The following DOCK3 variants were observed in gnomAD, a reference collection of about 807,000 sequenced individuals.
DOCK3 encodes the protein dedicator of cytokinesis 3, also known as dedicator of cytokinesis protein 3.
In DOCK3, 60 loss-of-function variants were observed where a neutral mutation model predicts 265.6. The observed-to-expected ratio is 0.23, with a 90% CI of 0.18 to 0.28. DOCK3 has a LOEUF of 0.28. Among genes scored for constraint, DOCK3 ranks in the 10% least tolerant of loss-of-function variants. DOCK3 has a pLI of 1.00. For synonymous variants in DOCK3, 881 were observed against 938.0 expected, an observed-to-expected ratio of 0.94 and a Z score of 1.11; for missense variants, 1,981 against 2,594.3, an observed-to-expected ratio of 0.76 and a Z score of 5.14.
At chr3:51,238,917 C>G (rs774619489) in intron 21 of DOCK3, among the ~76,000 whole-genome samples, 11 of 152,128 alleles carry the variant, frequency 7.2e-5, no homozygotes, top group Non-Finnish European at 1.2e-4. Context: ...CTGCAATGAA[C>G]CTATGCAAGC....
chr3:51,185,769 T>A (rs984136543), intron 12 of DOCK3, among the ~76,000 whole-genome samples: 12 of 152,120 alleles, frequency 7.9e-5, no homozygotes, highest in African/African-American at 2.9e-4. Context: ...CTGATGGTTT[T>A]AAAAAAAGGG....
intron 39 of DOCK3, among the ~76,000 whole-genome samples, chr3:51,349,703 C>T (rs140834016): frequency 6.6e-6 from 1 of 152,286 alleles, no homozygotes; most frequent in East Asian, 1.9e-4. Flanking sequence ...CCTTGGAATG[C>T]TAGACATCAT....
chr3:51,297,794 AT>A (rs58008589), intron 27 of DOCK3, among the ~76,000 whole-genome samples: 1 of 148,808 alleles, frequency 6.7e-6, no homozygotes, highest in Non-Finnish European at 1.5e-5. Context: ...AATAATAATA[AT>A]TTTTTTTTAA....
chr3:51,250,468 A>G (rs2079154609), intron 22 of DOCK3, among the ~76,000 whole-genome samples: 1 of 152,000 alleles, frequency 6.6e-6, no homozygotes, highest in Non-Finnish European at 1.5e-5. Flanking sequence ...AAAATACATA[A>G]ATTAACCGGG....
intron 1 of DOCK3, among the ~76,000 whole-genome samples, chr3:50,766,273 T>TAG (rs2040868093): frequency 1.8e-5 from 1 of 54,306 alleles, no homozygotes. Flanking sequence ...CCCTCCCCCC[T>TAG]CCCCCCACCC....
intron 7 of DOCK3, among the ~76,000 whole-genome samples, chr3:51,088,665 G>C (rs2082522447): frequency 6.6e-6 from 1 of 152,154 alleles, no homozygotes; most frequent in African/African-American, 2.4e-5. Context: ...CAATAACTTT[G>C]TAAGGAAGAT....
intron 1 of DOCK3, chr3:50,719,931 G>T: frequency 1.8e-6 from 1 of 540,922 alleles, no homozygotes; most frequent in Non-Finnish European, 3.4e-6. Flanking sequence ...CAGCCCAAGG[G>T]CGTACCGTCC....
intron 3 of DOCK3, among the ~76,000 whole-genome samples, chr3:50,862,032 A>C (rs1204106072): frequency 6.6e-6 from 1 of 152,092 alleles, no homozygotes; most frequent in African/African-American, 2.4e-5. Context: ...TGAGCTTTAT[A>C]CTTACATGCA....
intron 9 of DOCK3, among the ~76,000 whole-genome samples, chr3:51,122,501 C>T (rs1271646246): frequency 1.3e-5 from 2 of 152,168 alleles, no homozygotes; most frequent in African/African-American, 4.8e-5. Flanking sequence ...TTACATGCTT[C>T]AGAAACCCTG....
At chr3:51,169,039 C>G (rs936543953) in intron 12 of DOCK3, among the ~76,000 whole-genome samples, 1 of 151,500 alleles carries the variant, frequency 6.6e-6, no homozygotes. Flanking sequence ...CAATGAGATA[C>G]CATCTCACAC....
intron 12 of DOCK3, among the ~76,000 whole-genome samples, chr3:51,173,782 T>C (rs1003610976): frequency 5.9e-5 from 9 of 152,202 alleles, no homozygotes; most frequent in Admixed American, 3.3e-4. Context: ...GACAAGATCA[T>C]ATTCTTTGGG....
chr3:50,726,193 A>AT lies in DOCK3; in HGVS notation c.37+50900dup, dbSNP rs2037811838. On this transcript the variant is annotated intron_variant, in intron 1 of 52. Coordinates refer to ENST00000266037, the MANE Select transcript of DOCK3 (RefSeq NM_004947.5). Reference sequence around the variant, plus strand: ...CCTGTATATGTTCAGTACAGATGCAATTTTTTTCCTGAATATTTTTGATTC... The same window carrying AT: ...CCTGTATATGTTCAGTACAGATGCAATTTTTTTTCCTGAATATTTTTGATTC... Among the ~76,000 whole-genome samples the AT allele has an allele frequency of 2.6e-5, 4 of 152,152 alleles. No homozygotes were observed. The South Asian group carries it at 6.2e-4, about 24-fold the overall frequency.
intron 1 of DOCK3, among the ~76,000 whole-genome samples, chr3:50,756,133 T>C (rs536934273): frequency 4.6e-5 from 7 of 152,314 alleles, no homozygotes; most frequent in Non-Finnish European, 1.0e-4. Context: ...GCTGTCTGCA[T>C]GTGCAGTGGC....
intron 1 of DOCK3, among the ~76,000 whole-genome samples, chr3:50,773,224 G>T (rs958770667): frequency 1.3e-5 from 2 of 151,872 alleles, no homozygotes; most frequent in Non-Finnish European, 2.9e-5. Context: ...GGGAAAACTG[G>T]ATATTCACAT....
chr3:50,979,000 C>A (rs1452308960), intron 5 of DOCK3, among the ~76,000 whole-genome samples: 2 of 152,162 alleles, frequency 1.3e-5, no homozygotes, highest in African/African-American at 4.8e-5. Flanking sequence ...TACCCTGCTT[C>A]GGCTCGCGTA....
chr3:51,259,168 C>CA (rs1347462119), intron 22 of DOCK3, among the ~76,000 whole-genome samples: 20 of 152,294 alleles, frequency 1.3e-4, no homozygotes, highest in African/African-American at 4.3e-4. Context: ...CCCTGTAAGA[C>CA]ACATTTTTCT....
intron 27 of DOCK3, among the ~76,000 whole-genome samples, chr3:51,301,370 T>A (rs1295947090): frequency 1.3e-5 from 2 of 150,628 alleles, no homozygotes; most frequent in Non-Finnish European, 3.0e-5. Flanking sequence ...ATTCATTGAT[T>A]TTTTTTTTTG....
chr3:50,720,743 G>A (rs1250140066), intron 1 of DOCK3, among the ~76,000 whole-genome samples: 1 of 152,194 alleles, frequency 6.6e-6, no homozygotes, highest in Non-Finnish European at 1.5e-5. Context: ...GGGTTGAATG[G>A]TAGTTCTGTT....
At chr3:50,802,574 C>T (rs1576475247) in intron 2 of DOCK3, among the ~76,000 whole-genome samples, 1 of 151,900 alleles carries the variant, frequency 6.6e-6, no homozygotes, top group South Asian at 2.1e-4. Flanking sequence ...TTTATTTTTT[C>T]TTTCAGTACT....
Sources: allele counts gnomAD v4.1 joint callset (sites outside exome capture counted in the v4.1 genomes callset), GRCh38; gene constraint gnomAD v4.1.1; transcripts MANE v1.5; gene names NCBI Gene and HGNC (gene_info 2026-07-23, HGNC 2026-07-21).